The following PRELID2 variants were observed in gnomAD, a reference collection of about 807,000 sequenced individuals.
The protein encoded by PRELID2 is PRELI domain-containing protein 2.
A neutral mutation model predicts 28.4 loss-of-function variants in PRELID2; 25 were observed. The ratio of observed to expected loss-of-function variants is 0.88; its 90% CI spans 0.64 to 1.23. The LOEUF is 1.23. PRELID2 is among the 50% of genes most tolerant of loss of function. The pLI is 0.00. For synonymous variants in PRELID2, 76 were observed against 71.6 expected (o/e 1.06, Z -0.31); for missense variants, 201 against 214.4 (o/e 0.94, Z 0.39).
chr5:145,546,706 T>C (rs568556255), intron 1 of PRELID2, among the ~76,000 whole-genome samples: 1 of 152,314 alleles, frequency 6.6e-6, no homozygotes, highest in East Asian at 1.9e-4. Context: ...TTCCCTTAAC[T>C]ACAGGATCTT....
intron 1 of PRELID2, among the ~76,000 whole-genome samples, chr5:145,597,332 A>G (rs1013874406): frequency 3.3e-5 from 5 of 152,150 alleles, no homozygotes; most frequent in Non-Finnish European, 4.4e-5. Flanking sequence ...CTATCTGTAG[A>G]CTTCAAGCCA....
the PRELID2 span, among the ~76,000 whole-genome samples, chr5:145,439,159 G>A: frequency 6.6e-6 from 1 of 152,146 alleles, no homozygotes; most frequent in Admixed American, 6.6e-5. Context: ...TGTGGGATCA[G>A]ATGGGATGCT....
At chr5:145,643,565 G>A (rs1010318997) in intron 1 of PRELID2, among the ~76,000 whole-genome samples, 40 of 152,320 alleles carry the variant, frequency 2.6e-4, no homozygotes, top group African/African-American at 8.7e-4. Context: ...TAGGAGTGGT[G>A]AGAGAGGGCA....
chr5:145,260,157 C>A, the PRELID2 span, among the ~76,000 whole-genome samples: 1 of 152,168 alleles, frequency 6.6e-6, no homozygotes, highest in Non-Finnish European at 1.5e-5. Flanking sequence ...TTCCTGACAC[C>A]TTTCCAGAAG....
chr5:145,686,355 T>C (rs1755038491), intron 1 of PRELID2, among the ~76,000 whole-genome samples: 1 of 152,134 alleles, frequency 6.6e-6, no homozygotes, highest in South Asian at 2.1e-4. Context: ...ATAATATAAA[T>C]AAACAGTCTA....
At chr5:145,826,160 A>G in intron 1 of PRELID2, 2 of 985,430 alleles carry the variant, frequency 2.0e-6, no homozygotes, top group Non-Finnish European at 2.4e-6. Context: ...AGAAGCTGCC[A>G]TGCGCATGAT....
At chr5:145,527,378 G>A (rs551618044) in intron 1 of PRELID2, among the ~76,000 whole-genome samples, 1 of 152,288 alleles carries the variant, frequency 6.6e-6, no homozygotes, top group East Asian at 1.9e-4. Flanking sequence ...CTAAATTTAT[G>A]CAAGAGGTTA....
At chr5:145,647,779 T>C (rs776568299) in intron 1 of PRELID2, among the ~76,000 whole-genome samples, 8 of 152,146 alleles carry the variant, frequency 5.3e-5, no homozygotes, top group Admixed American at 6.5e-5. Flanking sequence ...TGGCTTCCCC[T>C]GGGTAGGGGT....
At chr5:145,777,997 G>A (rs1182862222) in intron 5 of PRELID2, among the ~76,000 whole-genome samples, 4 of 152,172 alleles carry the variant, frequency 2.6e-5, no homozygotes, top group East Asian at 1.9e-4. Context: ...GCAGGTCCTC[G>A]ATGAAGCCCC....
At chr5:145,543,474 C>CT (rs1375186443) in intron 1 of PRELID2, among the ~76,000 whole-genome samples, 1 of 152,004 alleles carries the variant, frequency 6.6e-6, no homozygotes, top group Non-Finnish European at 1.5e-5. Context: ...CTGGCAAGCC[C>CT]TTTTTTTGAT....
At chr5:145,342,745 C>A in the PRELID2 span, among the ~76,000 whole-genome samples, 1 of 148,906 alleles carries the variant, frequency 6.7e-6, no homozygotes, top group African/African-American at 2.5e-5. Flanking sequence ...TGTCCTTGTA[C>A]TGATATAAGG....
intron 1 of PRELID2, among the ~76,000 whole-genome samples, chr5:145,583,326 G>A (rs1753124375): frequency 6.6e-6 from 1 of 152,048 alleles, no homozygotes; most frequent in South Asian, 2.1e-4. Context: ...CAAACCCACA[G>A]CCAATATCCT....
At chr5:145,375,634 C>T in the PRELID2 span, among the ~76,000 whole-genome samples, 1 of 152,192 alleles carries the variant, frequency 6.6e-6, no homozygotes, top group Non-Finnish European at 1.5e-5. Flanking sequence ...GGGGCTCAGG[C>T]CCAGGGAGAT....
chr5:145,761,111 T>C (rs1055959482), intron 6 of PRELID2, among the ~76,000 whole-genome samples: 6 of 152,228 alleles, frequency 3.9e-5, no homozygotes, highest in African/African-American at 1.4e-4. Context: ...TGAATTTAAA[T>C]TATGCAAATT....
intron 1 of PRELID2, among the ~76,000 whole-genome samples, chr5:145,653,843 A>G (rs543236593): frequency 1.3e-5 from 2 of 152,364 alleles, no homozygotes; most frequent in Admixed American, 6.5e-5. Context: ...AAAGAATTAG[A>G]GAAGCAAGAG....
chr5:145,571,899 G>A (rs139487635), intron 1 of PRELID2, among the ~76,000 whole-genome samples: 2,018 of 151,446 alleles, frequency 0.013, 40 homozygotes, highest in African/African-American at 0.045. Flanking sequence ...GGAGAATGGC[G>A]TGAACCCAGG....
chr5:145,742,197 A>ATACATTTTTATTT (rs1561569250), intron 1 of PRELID2, among the ~76,000 whole-genome samples: 2 of 134,838 alleles, frequency 1.5e-5, no homozygotes, highest in African/African-American at 2.7e-5. Flanking sequence ...TATAAATAAT[A>ATACATTTTTATTT]ATATATAAAT....
At chr5:145,303,382 AC>A in the PRELID2 span, among the ~76,000 whole-genome samples, 1 of 152,210 alleles carries the variant, frequency 6.6e-6, no homozygotes, top group Non-Finnish European at 1.5e-5. Context: ...ACAATGTTCT[AC>A]TTCAGACTGT....
chr5:145,518,343 G>C (rs375401280), intron 1 of PRELID2, among the ~76,000 whole-genome samples: 5 of 151,854 alleles, frequency 3.3e-5, no homozygotes, highest in Non-Finnish European at 2.9e-5. Context: ...GGGACTACAG[G>C]TGTGCACCAC....
Sources: gnomAD v4.1 joint callset for allele counts (sites outside exome capture counted in the v4.1 genomes callset) on GRCh38, gnomAD v4.1.1 for gene constraint, MANE v1.5 for transcripts, NCBI Gene and HGNC (gene_info 2026-07-23, HGNC 2026-07-21) for gene names.